F12: variants seen among roughly 807,000 people sequenced by gnomAD.
F12 encodes coagulation factor XII, also known as Hageman factor.
F12 carries 70 observed loss-of-function variants against 74.8 expected under a neutral mutation model. That is an observed-to-expected ratio of 0.94 (90% confidence interval 0.77 to 1.14). F12 has a LOEUF of 1.14. Ranked by LOEUF, F12 falls within the 50% of genes most tolerant of loss-of-function variation. The pLI, the probability that F12 is intolerant of heterozygous loss-of-function variation, is 0.00. For synonymous variants in F12, 373 were observed against 356.4 expected (o/e 1.05, Z -0.52); for missense variants, 811 against 835.7 (o/e 0.97, Z 0.36).
rs1245913338 is a variant in F12, at chr5:177,404,282, A to G, written c.932T>C (p.Leu311Pro). The G allele has an allele frequency of 1.9e-6, 3 of 1,595,778 alleles. No individual in the cohort carries two copies. In the African/African-American group the frequency reaches 4.0e-5, roughly 21 times the overall value. The change falls in exon 9 of 14, where the codon CTT (leucine) becomes CCT (proline). Residue 311 changes from leucine (L) to proline (P), a missense_variant. Coordinates refer to ENST00000253496, the MANE Select transcript of F12 (RefSeq NM_000505.4). ...AAPPTPVSPR[L>P]HVPLMPAQPA... Reference sequence around the variant, plus strand: ...CTGCGCGGGCATGAGTGGGACATGAAGCCTAGGGGACACCGGGGTCGGAGG... The same window carrying G: ...CTGCGCGGGCATGAGTGGGACATGAGGCCTAGGGGACACCGGGGTCGGAGG...
chr5:177,404,734 C>T, intron 7 of F12, 70 bp from the exon 8 acceptor site: 1 of 1,597,332 alleles, frequency 6.3e-7, no homozygotes, highest in Non-Finnish European at 8.5e-7. Context: ...CTGCTTTCCG[C>T]ACTCTCCCTC....
chr5:177,405,765 C>T lies in F12; in HGVS notation c.256G>A (p.Gly86Arg). ...ACTTTCTTGGGCTCCAAACAGTATC[C>T]CCATCGCTGGTCCTGATCAAAGTTG... ...TPNFDQDQRW[G>R]YCLEPKKVKD... is the part of the protein sequence containing the mutation. Residue 86 changes from glycine to arginine, a missense_variant, in exon 4 of 14, where the codon GGA becomes AGA. Coordinates refer to ENST00000253496, the MANE Select transcript of F12 (RefSeq NM_000505.4). 1 of 1,614,156 alleles carries T rather than the reference C, an allele frequency of 6.2e-7. No individual in the cohort carries two copies. Among genetic ancestry groups the T allele is most frequent in the Non-Finnish European group, 8.5e-7 (1 of 1,180,022 alleles).
intron 4 of F12, 25 bp downstream of exon 4, chr5:177,405,710 C>G: frequency 1.2e-6 from 2 of 1,610,312 alleles, no homozygotes; most frequent in East Asian, 2.2e-5. Context: ...GAGCCCCAGG[C>G]CACCCCAGAG....
At position 177,402,177 on chromosome 5, in the gene F12, C is replaced by T; in HGVS notation, c.*115G>A. On this transcript the variant is annotated 3_prime_UTR_variant, in exon 14 of 14. Transcript: ENST00000253496. ...AAAGCACTTTATTGAGTTCCTGCGC[C>T]ATCCTGGCGCGGAGCTGGCCGCACT... is the stretch of plus-strand genomic sequence containing the variant. The T allele has an allele frequency of 7.4e-7, 1 of 1,356,768 alleles. No individual in the cohort carries two copies. Among genetic ancestry groups the T allele is most frequent in the Non-Finnish European group, 1.0e-6 (1 of 974,786 alleles). 84.0% of individuals were successfully genotyped at this position (1,356,768 alleles called of 1,614,324 possible).
intron 10 of F12, 102 bp downstream of exon 10, chr5:177,403,757 G>T (rs1371283199): frequency 3.4e-5 from 49 of 1,459,584 alleles, no homozygotes; most frequent in Middle Eastern, 2.4e-4. Context: ...GAAGGGTGGG[G>T]CGGGAGAAGG....
chr5:177,403,307 C>A lies in F12; in HGVS notation c.1478G>T (p.Arg493Leu). The change falls in exon 12 of 14, where the codon CGA becomes CTA. Residue 493 changes from arginine (R) to leucine (L), a missense_variant. Arg to Leu is a moderately radical substitution (Grantham distance 102). Transcript: ENST00000253496. ...CTGGCAGAGCGTGGTCTCGGAGGGT[C>A]GCGCGGCGCCGCTTGGCAGGCACAC... is the stretch of plus-strand genomic sequence containing the variant. Reference protein sequence around the residue: ...QPVCLPSGAARPSETTLCQVA... With the variant: ...QPVCLPSGAALPSETTLCQVA... 1 of 1,599,552 alleles carries A rather than the reference C, an allele frequency of 6.3e-7. No homozygotes were observed. The highest frequency in any genetic ancestry group is 8.5e-7 in the Non-Finnish European group (1 of 1,179,776).
At position 177,409,106 on chromosome 5, in the gene F12, A is replaced by G; in HGVS notation, c.58-3T>C. 1 of 1,551,646 alleles carries G rather than the reference A, an allele frequency of 6.4e-7. No homozygotes were observed. Among genetic ancestry groups the G allele is most frequent in the Non-Finnish European group, 8.7e-7 (1 of 1,146,994 alleles). On this transcript the variant is annotated splice_polypyrimidine_tract_variant and splice_region_variant and intron_variant, in intron 1 of 13. Coordinates refer to ENST00000253496, the MANE Select transcript of F12 (RefSeq NM_000505.4). ...TTGGGGGCTTCCCAAGGTGGAATCT[A>G]CAAGGGAGAGAAGAAGGCAGGGAAC... is the stretch of plus-strand genomic sequence containing the variant.
At chr5:177,409,269 C>T (rs1038246485) in intron 1 of F12, among the ~76,000 whole-genome samples, 166 bp from the exon 2 acceptor site, 1 of 152,166 alleles carries the variant, frequency 6.6e-6, no homozygotes, top group Admixed American at 6.5e-5. Context: ...CCATCTCCCC[C>T]AGAAATGCAG....
intron 10 of F12, 37 bp downstream of exon 10, chr5:177,403,822 C>T (rs1763208599): frequency 6.8e-7 from 1 of 1,478,348 alleles, no homozygotes; most frequent in Non-Finnish European, 9.0e-7. Context: ...GGAGGAGCCG[C>T]GGCCCCTGGG....
At chr5:177,408,745 G>A (rs973475928) in intron 2 of F12, among the ~76,000 whole-genome samples, 5 of 152,248 alleles carry the variant, frequency 3.3e-5, no homozygotes, top group African/African-American at 1.2e-4. Context: ...CCCATGAGAC[G>A]TACTGGGGAA....
chr5:177,409,243 G>A (rs771353175), intron 1 of F12, 140 bp from the exon 2 acceptor site: 23 of 1,025,062 alleles, frequency 2.2e-5, no homozygotes, highest in South Asian at 9.6e-5. Flanking sequence ...ACCTCCCCCC[G>A]TTGTCTTCTT....
chr5:177,403,699 A>G, intron 10 of F12, 82 bp from the exon 11 acceptor site: 2 of 1,551,966 alleles, frequency 1.3e-6, no homozygotes, highest in Non-Finnish European at 1.7e-6. Flanking sequence ...CCGAACCCCA[A>G]TCCCGTGTTC....
chr5:177,405,984 C>T lies in F12; in HGVS notation c.193G>A (p.Gly65Ser). 6.2e-7 allele frequency: 1 copy of T among 1,614,082 alleles called. No individual in the cohort carries two copies. The highest frequency in any genetic ancestry group is 8.5e-7 in the Non-Finnish European group (1 of 1,180,030). Residue 65 changes from glycine (G) to serine (S), a missense_variant, in exon 3 of 14, where the codon GGC (glycine) becomes AGC (serine). Coordinates refer to ENST00000253496, the MANE Select transcript of F12 (RefSeq NM_000505.4). Reference sequence around the variant, plus strand: ...TACCAGGGCTGAGGGCCTGGCCGGCCCTTGTGGGTACATTTGTGGTACAGC... The same window carrying T: ...TACCAGGGCTGAGGGCCTGGCCGGCTCTTGTGGGTACATTTGTGGTACAGC... Reference protein sequence around the residue: ...RQLYHKCTHKGRPGPQPWCAT... With the variant: ...RQLYHKCTHKSRPGPQPWCAT...
chr5:177,404,513 G>A lies in F12; in HGVS notation c.786C>T (p.Gly262=). The A allele has an allele frequency of 1.3e-6, 2 of 1,593,414 alleles. No homozygotes were observed. Among genetic ancestry groups the A allele is most frequent in the Non-Finnish European group, 1.7e-6 (2 of 1,170,488 alleles). The part of the protein sequence containing the change: ...AEQARNWGLG[G]HAFCRNPDND... ...ACGCGGCGCACCGGCAGAAGGCGTG[G>A]CCGCCCAGTCCCCAGTTCCGCGCTT... Residue 262 remains glycine, a synonymous_variant, in exon 8 of 14, where the codon GGC becomes GGT. Transcript: ENST00000253496.
rs772807745 is a variant in F12 at position 177,404,200 on chromosome 5, C to G, written c.1014G>C (p.Pro338=). The G allele has an allele frequency of 8.1e-6, 13 of 1,603,172 alleles. No homozygotes were observed. The South Asian group carries it at 1.0e-4, about 12-fold the overall frequency. Reference sequence around the variant, plus strand: ...TTCCCCCCCCCACTTCCTAACCTCCCGGGGTCTGGGACTGAGGCGGGGTCC... The same window carrying G: ...TTCCCCCCCCCACTTCCTAACCTCCGGGGGTCTGGGACTGAGGCGGGGTCC... ...TTRTPPQSQT[P]GALPAKREQP... is the part of the protein sequence containing the mutation. The change falls in exon 9 of 14, where the codon CCG becomes CCC. Residue 338 remains proline (P), a synonymous_variant. Coordinates refer to ENST00000253496, the MANE Select transcript of F12 (RefSeq NM_000505.4).
chr5:177,402,716 C>T lies in F12; in HGVS notation c.1532-18G>A. 1 of 1,610,764 alleles carries T rather than the reference C, an allele frequency of 6.2e-7. No homozygotes were observed. The highest frequency in any genetic ancestry group is 8.5e-7 in the Non-Finnish European group (1 of 1,179,804). ...CTCCGCCCCTGCGAACACAGAGCGC[C>T]TTCTTCACACCCCATCTGACAACGC... On this transcript the variant is annotated intron_variant, in intron 12 of 13. Coordinates refer to ENST00000253496, the MANE Select transcript of F12 (RefSeq NM_000505.4).
At chr5:177,406,924 T>C (rs1227771409) in intron 2 of F12, among the ~76,000 whole-genome samples, 2 of 152,222 alleles carry the variant, frequency 1.3e-5, no homozygotes, top group Non-Finnish European at 2.9e-5. Flanking sequence ...TGAATGAGTG[T>C]CCTTCTCAGT....
At chr5:177,407,101 C>T (rs1318386783) in intron 2 of F12, among the ~76,000 whole-genome samples, 1 of 152,132 alleles carries the variant, frequency 6.6e-6, no homozygotes, top group Non-Finnish European at 1.5e-5. Flanking sequence ...TGCTATAGTG[C>T]CATCAGCTTA....
intron 2 of F12, among the ~76,000 whole-genome samples, chr5:177,407,676 C>A (rs1277067717): frequency 6.6e-6 from 1 of 151,902 alleles, no homozygotes; most frequent in African/African-American, 2.4e-5. Flanking sequence ...ATCCCAGCAA[C>A]TCGGGAGGCT....
Sources: gnomAD v4.1 joint callset for allele counts (sites outside exome capture counted in the v4.1 genomes callset) on GRCh38, gnomAD v4.1.1 for gene constraint, MANE v1.5 for transcripts, NCBI Gene and HGNC (gene_info 2026-07-23, HGNC 2026-07-21) for gene names.